The following PIEZO2 variants were observed in gnomAD, a reference collection of about 807,000 sequenced individuals.
The protein encoded by PIEZO2 is piezo type mechanosensitive ion channel component 2.
PIEZO2 carries 172 observed loss-of-function variants against 337.3 expected under a neutral mutation model. That is an observed-to-expected ratio of 0.51 (90% CI 0.45 to 0.58). The LOEUF is 0.58. PIEZO2 is among the 20% of genes least tolerant of loss of function. The pLI is 0.00. For synonymous variants in PIEZO2, 1,251 were observed against 1,228.5 expected (o/e 1.02, Z -0.38); for missense variants, 3,028 against 3,391.3 (o/e 0.89, Z 2.66).
Position 11,127,010 on chromosome 18 carries a change from AAGAC to A in PIEZO2, c.64+21511_64+21514del, listed in dbSNP as rs2040201470. On this transcript the variant is annotated intron_variant, in intron 1 of 55. Transcript: ENST00000674853. This position sits in a 1 kb window ranked among gnomAD's most constrained non-coding sequence, Gnocchi z 4.5. ...AGACACTGTGGGTACAGCAGGGAAT[AAGAC>A]AGAGAGTGGGAGCTTGTTTTCCTGG... is the stretch of plus-strand genomic sequence containing the variant. 1.3e-5 allele frequency among the ~76,000 whole-genome samples: 2 copies of A among 152,208 alleles called. No homozygotes were observed. The highest frequency in any genetic ancestry group is 1.9e-4 in the East Asian group (1 of 5,198).
chr18:10,714,669 T>C (rs2035942754), intron 39 of PIEZO2, 95 bp downstream of exon 39: 1 of 1,407,448 alleles, frequency 7.1e-7, no homozygotes, highest in Non-Finnish European at 9.6e-7. Context: ...ATGGTTTTGA[T>C]GAACTTTCAC....
At chr18:11,024,381 T>A (rs573590383) in intron 2 of PIEZO2, among the ~76,000 whole-genome samples, 2 of 151,516 alleles carry the variant, frequency 1.3e-5, no homozygotes, top group African/African-American at 4.8e-5. Context: ...CCACCTCTAC[T>A]AAAAAATACA....
intron 7 of PIEZO2, among the ~76,000 whole-genome samples, chr18:10,832,626 A>G (rs2049249351): frequency 6.6e-6 from 1 of 152,204 alleles, no homozygotes; most frequent in Non-Finnish European, 1.5e-5. Context: ...GCTTAATAAC[A>G]GTACTTGTTT....
At chr18:11,060,816 T>C (rs1460773702) in intron 2 of PIEZO2, among the ~76,000 whole-genome samples, 3 of 152,186 alleles carry the variant, frequency 2.0e-5, no homozygotes, top group African/African-American at 4.8e-5. Context: ...ACAGCCGAAT[T>C]CTACCAGAGG....
At chr18:11,137,452 C>T (rs562452656) in intron 1 of PIEZO2, among the ~76,000 whole-genome samples, 61 of 152,152 alleles carry the variant, frequency 4.0e-4, no homozygotes, top group Non-Finnish European at 7.8e-4. Context: ...ATTTCTTAGC[C>T]TTGAACACCT....
At position 10,796,139 on chromosome 18, in the gene PIEZO2, C is replaced by T. The variant is rs925322848; in HGVS notation, c.1528-1137G>A. Among the ~76,000 whole-genome samples, 38 of 151,522 alleles carry T rather than the reference C, an allele frequency of 2.5e-4. 1 individual carries two copies. Among genetic ancestry groups the T allele is most frequent in the African/African-American group, 7.5e-4 (31 of 41,236 alleles). On this transcript the variant is annotated intron_variant, in intron 12 of 55. Coordinates refer to ENST00000674853, the MANE Select transcript of PIEZO2 (RefSeq NM_001378183.1). ...CAGGACTTTGGGAGGCCGAGGCGGG[C>T]GGATCATGAGGCCAGGAGATCGAGA...
Position 10,837,151 on chromosome 18 carries a change from A to C in PIEZO2, c.917+18202T>G, listed in dbSNP as rs2041040735. 1.3e-5 allele frequency among the ~76,000 whole-genome samples: 2 copies of C among 152,170 alleles called. No individual in the cohort carries two copies. The highest frequency in any genetic ancestry group is 4.1e-4 in the South Asian group (2 of 4,830). On this transcript the variant is annotated intron_variant, in intron 7 of 55. Coordinates refer to ENST00000674853, the MANE Select transcript of PIEZO2 (RefSeq NM_001378183.1). This position sits in a 1 kb window ranked among gnomAD's most constrained non-coding sequence, Gnocchi z 4.4. The stretch of plus-strand genomic sequence containing the variant: ...TTTCCATGCCAAGAAGCATGTGAGG[A>C]GGAGGGGATGGTGTGCACTCCTGTT...
rs1026662496 is a variant in PIEZO2, at chr18:10,895,686, C to A, written c.329+15500G>T. Among the ~76,000 whole-genome samples the A allele has an allele frequency of 1.3e-5, 2 of 152,108 alleles. No individual in the cohort carries two copies. Among genetic ancestry groups the A allele is most frequent in the Non-Finnish European group, 2.9e-5 (2 of 68,022 alleles). The stretch of plus-strand genomic sequence containing the variant: ...CTGGGAAATGGGGCGCTCCCTCTGA[C>A]CTGCACATTTCATCTCTACCCAATG... On this transcript the variant is annotated intron_variant, in intron 4 of 55. Coordinates refer to ENST00000674853, the MANE Select transcript of PIEZO2 (RefSeq NM_001378183.1). The surrounding 1 kb of genome is among the most constrained non-coding windows in gnomAD (Gnocchi z 4.8).
In PIEZO2 at chr18:10,762,532, G is replaced by A. The variant is rs942385292; in HGVS notation, c.3217C>T (p.Arg1073Trp). Reference protein sequence around the residue: ...PIDPTEWVGLRKSSPLLVYLR... With the variant: ...PIDPTEWVGLWKSSPLLVYLR... ...TAGACTAGCAGAGGCGAAGACTTCCGCAGGCCGACCCACTCTGTAGGATCG... is the reference window on the plus strand; with the variant it reads ...TAGACTAGCAGAGGCGAAGACTTCCACAGGCCGACCCACTCTGTAGGATCG... The change falls in exon 23 of 56, where the codon CGG (arginine) becomes TGG (tryptophan). Residue 1073 changes from arginine (R) to tryptophan (W), a missense_variant. Transcript: ENST00000674853. 1.8e-5 allele frequency: 28 copies of A among 1,537,184 alleles called. No homozygotes were observed. Among genetic ancestry groups the A allele is most frequent in the African/African-American group, 2.7e-5 (2 of 73,040 alleles).
In PIEZO2 at chr18:11,032,226, G is replaced by C. The variant is rs942105173; in HGVS notation, c.160+33901C>G. ...GCCTTATGTCTCAACATTGATTCTCGGGTCTCCAGTGTGGTCCACAGGACA... is the reference window on the plus strand; with the variant it reads ...GCCTTATGTCTCAACATTGATTCTCCGGTCTCCAGTGTGGTCCACAGGACA... On this transcript the variant is annotated intron_variant, in intron 2 of 55. Transcript: ENST00000674853. This position sits in a 1 kb window ranked among gnomAD's most constrained non-coding sequence, Gnocchi z 4.9. 6.6e-6 allele frequency among the ~76,000 whole-genome samples: 1 copy of C among 152,130 alleles called. No homozygotes were observed. Among genetic ancestry groups the C allele is most frequent in the African/African-American group, 2.4e-5 (1 of 41,412 alleles).
rs2038831179 is a variant in PIEZO2 at position 11,083,901 on chromosome 18, G to C, written c.65-17679C>G. 1.3e-5 allele frequency among the ~76,000 whole-genome samples: 2 copies of C among 152,052 alleles called. No individual in the cohort carries two copies. Among genetic ancestry groups the C allele is most frequent in the Non-Finnish European group, 2.9e-5 (2 of 68,002 alleles). On this transcript the variant is annotated intron_variant, in intron 1 of 55. Transcript: ENST00000674853. The surrounding 1 kb of genome is among the most constrained non-coding windows in gnomAD (Gnocchi z 4.4). ...CAATTAAGAGAAAGGAGAGGGCCGG[G>C]AGTGGGGGCTCATGCCTGTTATCCC...
rs982883705 is a variant in PIEZO2, at chr18:10,853,734, A to G, written c.917+1619T>C. 6.6e-6 allele frequency among the ~76,000 whole-genome samples: 1 copy of G among 152,148 alleles called. No homozygotes were observed. The highest frequency in any genetic ancestry group is 1.9e-4 in the East Asian group (1 of 5,194). On this transcript the variant is annotated intron_variant, in intron 7 of 55. Transcript: ENST00000674853. This position sits in a 1 kb window ranked among gnomAD's most constrained non-coding sequence, Gnocchi z 4.2. Reference sequence around the variant, plus strand: ...ATTCCTATGTATGTATGTATCTATCAATCTATTATGTTGGTTGTTAAGCCA... The same window carrying G: ...ATTCCTATGTATGTATGTATCTATCGATCTATTATGTTGGTTGTTAAGCCA...
intron 1 of PIEZO2, among the ~76,000 whole-genome samples, chr18:11,073,951 A>T (rs1004002854): frequency 6.7e-6 from 1 of 150,282 alleles, no homozygotes; most frequent in Non-Finnish European, 1.5e-5. Context: ...GGTTCAAGTG[A>T]TTCTCCTGCC....
chr18:10,986,724 T>C (rs1310244298), intron 2 of PIEZO2, among the ~76,000 whole-genome samples: 3 of 151,946 alleles, frequency 2.0e-5, no homozygotes, highest in Admixed American at 1.3e-4. Context: ...ACCGGAACAG[T>C]TATGGTAGAG....
At position 11,083,813 on chromosome 18, in the gene PIEZO2, T is replaced by C. The variant is rs1248562941; in HGVS notation, c.65-17591A>G. On this transcript the variant is annotated intron_variant, in intron 1 of 55. Transcript: ENST00000674853. The surrounding 1 kb of genome is among the most constrained non-coding windows in gnomAD (Gnocchi z 4.4). ...AGCTTCCATGTGACAGCCAGCTGTA[T>C]ACTTGTTTGATATCAAAACAACCAG... is the stretch of plus-strand genomic sequence containing the variant. Among the ~76,000 whole-genome samples the C allele has an allele frequency of 6.6e-6, 1 of 152,230 alleles. No individual in the cohort carries two copies. The highest frequency in any genetic ancestry group is 1.5e-5 in the Non-Finnish European group (1 of 68,040).
rs1318708445 is a variant in PIEZO2 at position 11,148,105 on chromosome 18, C to T, written c.64+420G>A. On this transcript the variant is annotated intron_variant, in intron 1 of 55. Transcript: ENST00000674853. The surrounding 1 kb of genome is among the most constrained non-coding windows in gnomAD (Gnocchi z 5.2). The stretch of plus-strand genomic sequence containing the variant: ...GGATTTGGGGTCTGGGAGAGATGGC[C>T]TCTGGGCCGTCTGGAGGCACAGCAT... Among the ~76,000 whole-genome samples, 1 of 152,052 alleles carries T rather than the reference C, an allele frequency of 6.6e-6. No individual in the cohort carries two copies. Among genetic ancestry groups the T allele is most frequent in the Admixed American group, 6.5e-5 (1 of 15,274 alleles).
chr18:10,875,843 A>G (rs555097707), intron 4 of PIEZO2, among the ~76,000 whole-genome samples: 1 of 152,274 alleles, frequency 6.6e-6, no homozygotes, highest in Admixed American at 6.5e-5. Flanking sequence ...TAACACACAT[A>G]TATTAAGGGA....
Position 10,781,399 on chromosome 18 carries a change from G to A in PIEZO2, c.2493-1033C>T, listed in dbSNP as rs2144077315. 6.6e-6 allele frequency among the ~76,000 whole-genome samples: 1 copy of A among 152,164 alleles called. No individual in the cohort carries two copies. Among genetic ancestry groups the A allele is most frequent in the African/African-American group, 2.4e-5 (1 of 41,542 alleles). ...GCAGAAGAATCACTTGAACCCAGGA[G>A]GTGGAGGTTGCAGTGAGCCGAGATG... On this transcript the variant is annotated intron_variant, in intron 17 of 55. Coordinates refer to ENST00000674853, the MANE Select transcript of PIEZO2 (RefSeq NM_001378183.1). This position sits in a 1 kb window ranked among gnomAD's most constrained non-coding sequence, Gnocchi z 4.1.
intron 2 of PIEZO2, among the ~76,000 whole-genome samples, chr18:10,983,394 C>G (rs2034744462): frequency 2.0e-5 from 3 of 152,114 alleles, no homozygotes; most frequent in South Asian, 4.1e-4. Flanking sequence ...CTCAAGGTGG[C>G]ACAACTTGGT....
Sources: gnomAD v4.1 joint callset for allele counts (sites outside exome capture counted in the v4.1 genomes callset) on GRCh38, gnomAD v4.1.1 for gene constraint, Gnocchi (gnomAD v3.1) non-coding constraint, MANE v1.5 for transcripts, NCBI Gene and HGNC (gene_info 2026-07-23, HGNC 2026-07-21) for gene names.